UIMC1: variants seen among roughly 807,000 people sequenced by gnomAD.
The protein encoded by UIMC1 is BRCA1-A complex subunit RAP80.
Under a neutral mutation model 84.9 loss-of-function variants are expected in UIMC1, and 42 were observed. The observed-to-expected ratio is 0.49, with a 90% CI of 0.39 to 0.64. The LOEUF is 0.64. Ranked by LOEUF, UIMC1 falls within the 30% of genes least tolerant of loss-of-function variation. UIMC1 has a pLI of 0.00. For synonymous variants in UIMC1, 281 were observed against 293.0 expected (o/e 0.96, Z 0.42); for missense variants, 825 against 847.6 (o/e 0.97, Z 0.33).
chr5:176,911,488 C>T (rs1760211627), intron 10 of UIMC1, 99 bp from the exon 11 acceptor site: 1 of 727,952 alleles, frequency 1.4e-6, no homozygotes, highest in Admixed American at 3.9e-5. Context: ...AGTTTAAAAC[C>T]TTATCCCACT....
chr5:176,941,509 A>C (rs948382400), intron 10 of UIMC1, among the ~76,000 whole-genome samples: 9 of 152,268 alleles, frequency 5.9e-5, no homozygotes, highest in Non-Finnish European at 1.0e-4. Context: ...TTCCTTATTT[A>C]ATAACTAAAA....
At chr5:176,935,906 C>T (rs553106621) in intron 10 of UIMC1, among the ~76,000 whole-genome samples, 2 of 152,080 alleles carry the variant, frequency 1.3e-5, no homozygotes, top group African/African-American at 2.4e-5. Flanking sequence ...GAGATATCCC[C>T]GAAGAGAAAG....
chr5:176,922,654 GATAAACCATCTTTGTCTATAC>G (rs1253442071), intron 10 of UIMC1, among the ~76,000 whole-genome samples: 32 of 152,254 alleles, frequency 2.1e-4, no homozygotes, highest in African/African-American at 7.0e-4. Context: ...ATAATGCTTT[GATAAACCATCTTTGTCTATAC>G]AATTTCATCT....
At chr5:176,915,033 C>G (rs1760786409) in intron 10 of UIMC1, among the ~76,000 whole-genome samples, 2 of 152,110 alleles carry the variant, frequency 1.3e-5, no homozygotes, top group African/African-American at 4.8e-5. Flanking sequence ...TCTACTTGTC[C>G]CCCATCTTGA....
At chr5:176,994,443 A>T (rs181202853) in intron 1 of UIMC1, among the ~76,000 whole-genome samples, 5 of 152,048 alleles carry the variant, frequency 3.3e-5, no homozygotes, top group African/African-American at 1.2e-4. Context: ...GAATATAATG[A>T]ACCTCTCATA....
upstream of UIMC1, among the ~76,000 whole-genome samples, chr5:177,011,006 A>G (rs971696810): frequency 2.6e-5 from 4 of 152,002 alleles, no homozygotes; most frequent in African/African-American, 9.7e-5. Flanking sequence ...CAGCCTGGGC[A>G]ATATGGCAAA....
intron 1 of UIMC1, among the ~76,000 whole-genome samples, chr5:176,986,015 G>A (rs1284694524): frequency 6.6e-6 from 1 of 151,782 alleles, no homozygotes; most frequent in Non-Finnish European, 1.5e-5. Flanking sequence ...ACTTTGGGAG[G>A]CCAAGGCAGG....
intron 1 of UIMC1, among the ~76,000 whole-genome samples, chr5:176,988,130 CAAA>C (rs35059681): frequency 0.012 from 1,109 of 90,186 alleles, 2 homozygotes; most frequent in Middle Eastern, 0.031. Context: ...CGCCCCTGTC[CAAA>C]AAAAAAAAAA....
At chr5:176,913,356 A>G (rs1760513679) in intron 10 of UIMC1, among the ~76,000 whole-genome samples, 1 of 152,222 alleles carries the variant, frequency 6.6e-6, no homozygotes, top group South Asian at 2.1e-4. Flanking sequence ...CATGCTATCA[A>G]AACTACTAAA....
At chr5:176,974,764 G>A (rs1769793374) in intron 3 of UIMC1, among the ~76,000 whole-genome samples, 1 of 151,880 alleles carries the variant, frequency 6.6e-6, no homozygotes, top group Non-Finnish European at 1.5e-5. Flanking sequence ...AGTGAGCCAA[G>A]ATCACGCCAG....
intron 2 of UIMC1, among the ~76,000 whole-genome samples, chr5:176,977,931 A>G (rs1422524775): frequency 6.6e-6 from 1 of 152,020 alleles, no homozygotes; most frequent in Non-Finnish European, 1.5e-5. Context: ...ATATAAAAAA[A>G]TAAAAATAAT....
intron 5 of UIMC1, 84 bp from the exon 6 acceptor site, chr5:176,969,375 C>T (rs1214801362): frequency 7.3e-6 from 11 of 1,504,120 alleles, no homozygotes; most frequent in South Asian, 2.7e-5. Context: ...CCAAGAATTA[C>T]ATAATATGGG....
At position 176,905,407 on chromosome 5, in the gene UIMC1, CG is replaced by C. The variant is rs771459018; in HGVS notation, c.2034del (p.Val679SerfsTer14). On this transcript the variant is annotated frameshift_variant, in exon 15 of 15. Coordinates refer to ENST00000511320, the MANE Select transcript of UIMC1 (RefSeq NM_001199298.2). LOFTEE classifies it high-confidence loss of function. ...TCTGAAATGGAAACAAAAGACTTGA[CG>C]GGAGATTCATTTAAGTCACGACGTG... ...SFTRRDLNESPVKSFVSISEA... is the reference protein window; with the variant it reads ...SFTRRDLNESXVKSFVSISEA... 6.2e-7 allele frequency: 1 copy of C among 1,613,958 alleles called. No homozygotes were observed. Among genetic ancestry groups the C allele is most frequent in the Non-Finnish European group, 8.5e-7 (1 of 1,179,998 alleles).
chr5:176,915,241 C>CTTT (rs34866468), intron 10 of UIMC1, among the ~76,000 whole-genome samples: 4 of 139,252 alleles, frequency 2.9e-5, no homozygotes, highest in Non-Finnish European at 6.2e-5. Context: ...TATTTTGTTT[C>CTTT]TTTTTTTTTT....
chr5:176,984,074 G>A (rs1445193055), intron 1 of UIMC1, among the ~76,000 whole-genome samples: 3 of 106,766 alleles, frequency 2.8e-5, no homozygotes, highest in Non-Finnish European at 3.8e-5. Flanking sequence ...CTGCCCGGCC[G>A]CCCCGTCTGG....
chr5:176,908,311 T>A (rs1464005974), intron 12 of UIMC1, among the ~76,000 whole-genome samples: 1 of 152,254 alleles, frequency 6.6e-6, no homozygotes, highest in Non-Finnish European at 1.5e-5. Context: ...TGATTATTTA[T>A]ATTTTTTTGA....
chr5:176,905,403 T>C lies in UIMC1; in HGVS notation c.2039A>G (p.Lys680Arg), dbSNP rs1277440233. 1.2e-6 allele frequency: 2 copies of C among 1,614,050 alleles called. No homozygotes were observed. The highest frequency in any genetic ancestry group is 1.3e-5 in the African/African-American group (1 of 74,918). ...TRRDLNESPV[K>R]SFVSISEATD... is the part of the protein sequence containing the mutation. ...GGCTTCTGAAATGGAAACAAAAGACTTGACGGGAGATTCATTTAAGTCACG... is the reference window on the plus strand; with the variant it reads ...GGCTTCTGAAATGGAAACAAAAGACCTGACGGGAGATTCATTTAAGTCACG... The change falls in exon 15 of 15, where the codon AAG (lysine) becomes AGG (arginine). Residue 680 changes from lysine to arginine, a missense_variant. Physicochemically the swap from Lys to Arg is conservative, Grantham distance 26. Coordinates refer to ENST00000511320, the MANE Select transcript of UIMC1 (RefSeq NM_001199298.2).
At position 176,950,018 on chromosome 5, in the gene UIMC1, G is replaced by A. The variant is rs1581499447; in HGVS notation, c.1443+1456C>T. ...TGCAGTGAGCCGAGATCGCACCACT[G>A]CACTCCAGCCTGGCAGACAAGAGCA... On this transcript the variant is annotated intron_variant, in intron 9 of 14. Transcript: ENST00000511320. Among the ~76,000 whole-genome samples, 5 of 150,270 alleles carry A rather than the reference G, an allele frequency of 3.3e-5. No individual in the cohort carries two copies. In the South Asian group the frequency reaches 1.1e-3, roughly 32 times the overall value.
intron 10 of UIMC1, among the ~76,000 whole-genome samples, chr5:176,929,313 C>G (rs1352581168): frequency 1.3e-5 from 2 of 151,448 alleles, no homozygotes; most frequent in African/African-American, 4.9e-5. Context: ...CCTGTAATCC[C>G]AGCACTTTGG....
Sources: gnomAD v4.1 joint callset for allele counts (sites outside exome capture counted in the v4.1 genomes callset) on GRCh38, gnomAD v4.1.1 for gene constraint, MANE v1.5 for transcripts, NCBI Gene and HGNC (gene_info 2026-07-23, HGNC 2026-07-21) for gene names.